Variants in NEDD4L observed in about 807,000 individuals in gnomAD.
NEDD4L encodes E3 ubiquitin-protein ligase NEDD4-like.
NEDD4L carries 54 observed loss-of-function variants against 148.9 expected under a neutral mutation model. The ratio of observed to expected loss-of-function variants is 0.36; its 90% CI spans 0.29 to 0.45. The LOEUF is 0.45. Ranked by LOEUF, NEDD4L falls within the 20% of genes least tolerant of loss-of-function variation. NEDD4L has a pLI of 1.00. For synonymous variants in NEDD4L, 433 were observed against 440.7 expected, an observed-to-expected ratio of 0.98 and a Z score of 0.22; for missense variants, 856 against 1,233.8, an observed-to-expected ratio of 0.69 and a Z score of 4.59.
intron 1 of NEDD4L, among the ~76,000 whole-genome samples, chr18:58,083,554 GGCGGGT>G (rs1272943912): frequency 5.3e-5 from 8 of 152,144 alleles, no homozygotes; most frequent in African/African-American, 1.9e-4. Flanking sequence ...CGGGCGTGGT[GGCGGGT>G]GCCTGTAGTT....
At chr18:58,141,667 T>C (rs1477919905) in intron 1 of NEDD4L, among the ~76,000 whole-genome samples, 2 of 151,930 alleles carry the variant, frequency 1.3e-5, no homozygotes, top group African/African-American at 4.8e-5. Context: ...ATGAATATTT[T>C]CATGTACGTA....
intron 2 of NEDD4L, chr18:58,189,830 A>T (rs2039907008): frequency 6.6e-6 from 1 of 152,044 alleles, no homozygotes; most frequent in African/African-American, 2.4e-5. Context: ...TCCTTACTTC[A>T]TCCCTTCCTC....
intron 2 of NEDD4L, among the ~76,000 whole-genome samples, chr18:58,181,870 A>G (rs796130595): frequency 1.8e-4 from 28 of 152,304 alleles, no homozygotes; most frequent in African/African-American, 6.7e-4. Context: ...TAGTATTTCA[A>G]AAAGTTAATG....
At position 58,056,891 on chromosome 18, in the gene NEDD4L, C is replaced by T. The variant is rs574202625; in HGVS notation, c.48+12183C>T. Among the ~76,000 whole-genome samples, 52 of 64,824 alleles carry T rather than the reference C, an allele frequency of 8.0e-4. No homozygotes were observed. The South Asian group carries it at 0.022, about 27-fold the overall frequency. 42.5% of individuals were successfully genotyped at this position (64,824 alleles called of 152,430 possible). A position where few individuals can be genotyped will look rare whatever the true frequency, so the allele number is the denominator to read the frequency against. ...CCACCATGCCCAGCCAGAGCTATGC[C>T]CTCTTTTTTTTTTTTTTTTGTTTGT... On this transcript the variant is annotated intron_variant, in intron 1 of 30. Transcript: ENST00000400345.
At chr18:58,139,328 T>C (rs1184819860) in intron 1 of NEDD4L, among the ~76,000 whole-genome samples, 1 of 131,288 alleles carries the variant, frequency 7.6e-6, no homozygotes, top group Non-Finnish European at 1.6e-5. Flanking sequence ...GACCCTCAGA[T>C]ACATTTCTGT....
At chr18:58,106,839 C>T (rs1011663825) in intron 1 of NEDD4L, among the ~76,000 whole-genome samples, 3 of 152,136 alleles carry the variant, frequency 2.0e-5, no homozygotes, top group Admixed American at 6.5e-5. Flanking sequence ...AGGACTTGAG[C>T]CAGGATCTGA....
chr18:58,332,477 GTC>G (rs1395632122), intron 11 of NEDD4L, among the ~76,000 whole-genome samples: 1 of 151,960 alleles, frequency 6.6e-6, no homozygotes, highest in African/African-American at 2.4e-5. Context: ...GTGAAACCCC[GTC>G]TCTACTAAAA....
intron 1 of NEDD4L, among the ~76,000 whole-genome samples, chr18:58,084,385 A>G (rs2083638629): frequency 1.3e-5 from 2 of 152,228 alleles, no homozygotes; most frequent in African/African-American, 4.8e-5. Context: ...TATACTCTAA[A>G]TGGGTAAATT....
chr18:58,388,795 TGC>T, intron 27 of NEDD4L: 1 of 391,672 alleles, frequency 2.6e-6, no homozygotes, highest in South Asian at 2.8e-5. Flanking sequence ...ACAGGTCCCA[TGC>T]GTAAGACTAG....
intron 4 of NEDD4L, among the ~76,000 whole-genome samples, chr18:58,250,359 A>T (rs1032997047): frequency 2.0e-5 from 3 of 152,118 alleles, no homozygotes; most frequent in Admixed American, 1.3e-4. Context: ...CATGTTGGCC[A>T]GGCTGGTCTC....
intron 1 of NEDD4L, among the ~76,000 whole-genome samples, chr18:58,094,587 G>A (rs1345052113): frequency 6.7e-6 from 1 of 149,958 alleles, no homozygotes; most frequent in East Asian, 1.9e-4. Context: ...CATTTCCTGT[G>A]TCTGGAATAC....
chr18:58,231,977 A>T (rs1302349312), intron 2 of NEDD4L, among the ~76,000 whole-genome samples: 1 of 152,098 alleles, frequency 6.6e-6, no homozygotes, highest in Non-Finnish European at 1.5e-5. Context: ...CAGAGGTCTG[A>T]CTCCATGGCT....
At chr18:58,389,733 A>G (rs2146944256) in intron 28 of NEDD4L, among the ~76,000 whole-genome samples, 1 of 151,246 alleles carries the variant, frequency 6.6e-6, no homozygotes, top group Admixed American at 6.6e-5. Flanking sequence ...GAGATATAGT[A>G]AACAAACTTA....
At chr18:58,343,371 G>T (rs2042667715) in intron 16 of NEDD4L, among the ~76,000 whole-genome samples, 1 of 152,126 alleles carries the variant, frequency 6.6e-6, no homozygotes, top group Non-Finnish European at 1.5e-5. Flanking sequence ...GTGCTGGATG[G>T]AAAGGTATTG....
chr18:58,255,596 CTGT>C, intron 5 of NEDD4L: 1 of 1,232,368 alleles, frequency 8.1e-7, no homozygotes, highest in Non-Finnish European at 1.0e-6. Flanking sequence ...AGTGTCGGGC[CTGT>C]TGTTGCCGCT....
At chr18:58,136,533 A>G (rs2146054344) in intron 1 of NEDD4L, among the ~76,000 whole-genome samples, 1 of 152,356 alleles carries the variant, frequency 6.6e-6, no homozygotes, top group East Asian at 1.9e-4. Flanking sequence ...GGAGGAACCC[A>G]GGAGCTACTG....
rs1254372261 is a variant in NEDD4L at position 58,166,010 on chromosome 18, G to A, written c.122+149G>A. 4.5e-6 allele frequency: 3 copies of A among 661,700 alleles called. No homozygotes were observed. In the Admixed American group the frequency reaches 8.2e-5, roughly 18 times the overall value. 41.0% of individuals were successfully genotyped at this position (661,700 alleles called of 1,614,324 possible). A position where few individuals can be genotyped will look rare whatever the true frequency, so the allele number is the denominator to read the frequency against. ...CAGGGATTCTGATTTAGGAAGTGATGCTGGCCCAGCTGGTTCCAGGAGCAC... is the reference window on the plus strand; with the variant it reads ...CAGGGATTCTGATTTAGGAAGTGATACTGGCCCAGCTGGTTCCAGGAGCAC... On this transcript the variant is annotated intron_variant, in intron 2 of 30. Coordinates refer to ENST00000400345, the MANE Select transcript of NEDD4L (RefSeq NM_001144967.3).
At chr18:58,303,178 T>C (rs1295413617) in intron 5 of NEDD4L, among the ~76,000 whole-genome samples, 3 of 152,224 alleles carry the variant, frequency 2.0e-5, no homozygotes, top group Non-Finnish European at 4.4e-5. Flanking sequence ...CAGTGATTCT[T>C]GGAAAAAGTC....
chr18:58,384,880 C>G (rs1316342943), intron 25 of NEDD4L, among the ~76,000 whole-genome samples: 1 of 152,246 alleles, frequency 6.6e-6, no homozygotes. Flanking sequence ...GTACATTTGC[C>G]TTGCGATCAG....
Sources: allele counts gnomAD v4.1 joint callset (sites outside exome capture counted in the v4.1 genomes callset), GRCh38; gene constraint gnomAD v4.1.1; transcripts MANE v1.5; gene names NCBI Gene and HGNC (gene_info 2026-07-23, HGNC 2026-07-21).